OR4K1: variants seen among roughly 807,000 people sequenced by gnomAD.
OR4K1 encodes olfactory receptor 4K1.
A neutral mutation model predicts 14.4 loss-of-function variants in OR4K1; 16 were observed. That is an observed-to-expected ratio of 1.11 (90% confidence interval 0.75 to 1.68). The LOEUF (loss-of-function observed/expected upper bound fraction) is 1.68. Ranked by LOEUF, OR4K1 falls within the 40% of genes most tolerant of loss-of-function variation. The probability of loss-of-function intolerance (pLI) is 0.00; values close to 1 mark genes in which losing one functional copy is unlikely to be tolerated. For synonymous variants in OR4K1, 181 were observed against 133.1 expected, an observed-to-expected ratio of 1.36 and a Z score of -2.48; for missense variants, 548 against 376.9, an observed-to-expected ratio of 1.45 and a Z score of -3.76.
chr14:19,924,377 GCAA>G, the OR4K1 span, among the ~76,000 whole-genome samples: 1 of 101,332 alleles, frequency 9.9e-6, no homozygotes, highest in African/African-American at 4.1e-5. Context: ...TCCAGCCTGG[GCAA>G]CAAGAGCAAA....
the OR4K1 span, among the ~76,000 whole-genome samples, chr14:19,924,400 C>CAAAAAAAAAAAAAAAA: frequency 3.0e-3 from 234 of 79,266 alleles, 1 homozygote; most frequent in Middle Eastern, 6.4e-3. Flanking sequence ...AACTCCGTAT[C>CAAAAAAAAAAAAAAAA]AAAAAAAAAA....
chr14:19,922,484 G>T, the OR4K1 span, among the ~76,000 whole-genome samples: 3 of 152,250 alleles, frequency 2.0e-5, no homozygotes, highest in South Asian at 2.1e-4. Context: ...CATCTAGGGG[G>T]CCTCACTCAT....
upstream of OR4K1, among the ~76,000 whole-genome samples, chr14:19,929,558 T>G (rs1301698683): frequency 2.0e-5 from 3 of 152,264 alleles, no homozygotes; most frequent in East Asian, 5.8e-4. Context: ...TATCTCCTAG[T>G]AATCTTTGTA....
upstream of OR4K1, among the ~76,000 whole-genome samples, chr14:19,928,829 T>A (rs563829479): frequency 6.6e-6 from 1 of 152,180 alleles, no homozygotes; most frequent in Non-Finnish European, 1.5e-5. Flanking sequence ...CTGCTCATTT[T>A]TCTACTTATT....
At position 19,935,899 on chromosome 14, in the gene OR4K1, C is replaced by T. The variant is rs777615482; in HGVS notation, c.233C>T (p.Thr78Ile). The stretch of plus-strand genomic sequence containing the variant: ...GATATCTGTCAGTCTAACTTTGCCA[C>T]CCCCAAGATGCTTGTAGACTTTTTT... Reference protein sequence around the residue: ...FIDICQSNFATPKMLVDFFIE... With the variant: ...FIDICQSNFAIPKMLVDFFIE... Residue 78 changes from threonine to isoleucine, a missense_variant, in exon 2 of 2, where the codon ACC becomes ATC. By Grantham distance (89) the Thr-to-Ile change is moderately conservative. Coordinates refer to ENST00000641172, the MANE Select transcript of OR4K1 (RefSeq NM_001004063.3). The T allele has an allele frequency of 4.3e-6, 7 of 1,614,126 alleles. No homozygotes were observed. Among genetic ancestry groups the T allele is most frequent in the Middle Eastern group, 1.6e-4 (1 of 6,084 alleles).
At chr14:19,924,520 T>C in the OR4K1 span, among the ~76,000 whole-genome samples, 1 of 152,240 alleles carries the variant, frequency 6.6e-6, no homozygotes, top group Non-Finnish European at 1.5e-5. Context: ...TGTGAGATGG[T>C]ATTTCATTGT....
chr14:19,926,677 G>A (rs778014369), upstream of OR4K1, among the ~76,000 whole-genome samples: 58 of 152,188 alleles, frequency 3.8e-4, no homozygotes, highest in Non-Finnish European at 6.9e-4. Context: ...ATCAATTTTA[G>A]GTTGATTCAT....
chr14:19,921,662 A>G, the OR4K1 span: 2 of 1,351,172 alleles, frequency 1.5e-6, no homozygotes, highest in Non-Finnish European at 2.0e-6. Context: ...TTGTGGGGAA[A>G]GTAGTGAAGA....
At position 19,935,687 on chromosome 14, in the gene OR4K1, G is replaced by C. The variant is rs752575639; in HGVS notation, c.21G>C (p.Ser7=). MAHTNE[S]MVSEFVLLGL... ...GATACATGGCTCACACAAATGAATC[G>C]ATGGTGTCTGAGTTTGTACTTTTGG... The change falls in exon 2 of 2, where the codon TCG becomes TCC. Residue 7 remains serine, a synonymous_variant. Transcript: ENST00000641172. 24 of 1,601,748 alleles carry C rather than the reference G, an allele frequency of 1.5e-5. No individual in the cohort carries two copies. The highest frequency in any genetic ancestry group is 2.0e-5 in the Non-Finnish European group (23 of 1,175,832).
Position 19,936,232 on chromosome 14 carries a change from G to T in OR4K1, c.566G>T (p.Cys189Phe), listed in dbSNP as rs769343904. The part of the protein sequence containing the change: ...CDLPLVIELA[C>F]MDTYEMEIMT... ...CTTCCCTTGGTGATAGAGCTGGCTT[G>T]CATGGATACATATGAAATGGAAATT... The change falls in exon 2 of 2, where the codon TGC becomes TTC. Residue 189 changes from cysteine to phenylalanine, a missense_variant. Cys to Phe is a radical substitution (Grantham distance 205, BLOSUM62 -2). Coordinates refer to ENST00000641172, the MANE Select transcript of OR4K1 (RefSeq NM_001004063.3). 6.2e-7 allele frequency: 1 copy of T among 1,614,126 alleles called. No homozygotes were observed. The highest frequency in any genetic ancestry group is 8.5e-7 in the Non-Finnish European group (1 of 1,180,048).
chr14:19,935,525 T>TC, intron 1 of OR4K1, 123 bp from the exon 2 acceptor site: 1 of 773,172 alleles, frequency 1.3e-6, no homozygotes, highest in Non-Finnish European at 2.0e-6. Context: ...CATACGTAAA[T>TC]ATATGTAACC....
intron 1 of OR4K1, among the ~76,000 whole-genome samples, chr14:19,931,684 C>A (rs944504326): frequency 6.6e-6 from 1 of 152,220 alleles, no homozygotes; most frequent in Non-Finnish European, 1.5e-5. Flanking sequence ...ATTAATGCAA[C>A]AGCAACCCTT....
chr14:19,930,173 C>T (rs143290526), upstream of OR4K1, among the ~76,000 whole-genome samples: 15 of 152,280 alleles, frequency 9.9e-5, no homozygotes, highest in Non-Finnish European at 1.5e-4. Context: ...ATCTCTCCTT[C>T]AGCCAGTGCT....
At chr14:19,920,598 C>T in the OR4K1 span, 1 of 1,592,818 alleles carries the variant, frequency 6.3e-7, no homozygotes, top group East Asian at 2.2e-5. Context: ...AAGTTTGCAG[C>T]TTGGAACCAT....
At chr14:19,927,329 C>T (rs1460497113), upstream of OR4K1, among the ~76,000 whole-genome samples, 1 of 152,204 alleles carries the variant, frequency 6.6e-6, no homozygotes, top group Non-Finnish European at 1.5e-5. Flanking sequence ...TCTCATTGGC[C>T]AGAGCCATAA....
chr14:19,922,289 C>G, the OR4K1 span, among the ~76,000 whole-genome samples: 1 of 152,234 alleles, frequency 6.6e-6, no homozygotes, highest in Non-Finnish European at 1.5e-5. Context: ...CCAAGATTTT[C>G]GTTTGTGCCA....
At chr14:19,926,886 AGCCAACT>A (rs1882073664), upstream of OR4K1, among the ~76,000 whole-genome samples, 1 of 152,258 alleles carries the variant, frequency 6.6e-6, no homozygotes, top group Admixed American at 6.5e-5. Context: ...GCTCTGCAGA[AGCCAACT>A]GCTTACTATT....
At chr14:19,924,257 G>A in the OR4K1 span, among the ~76,000 whole-genome samples, 4 of 152,084 alleles carry the variant, frequency 2.6e-5, no homozygotes, top group East Asian at 3.9e-4. Flanking sequence ...AAAATTAGCC[G>A]GGCATGGTGG....
Position 19,936,611 on chromosome 14 carries a change from A to G in OR4K1, c.*9A>G, listed in dbSNP as rs756925650. 1.1e-5 allele frequency: 18 copies of G among 1,580,674 alleles called. No homozygotes were observed. The highest frequency in any genetic ancestry group is 1.5e-5 in the Non-Finnish European group (17 of 1,164,322). On this transcript the variant is annotated 3_prime_UTR_variant, in exon 2 of 2. Coordinates refer to ENST00000641172, the MANE Select transcript of OR4K1 (RefSeq NM_001004063.3). Reference sequence around the variant, plus strand: ...ACTCCTGGAAAAACTAGGGATCATTACGAAGGAGCATAATCCTGAATTAGA... The same window carrying G: ...ACTCCTGGAAAAACTAGGGATCATTGCGAAGGAGCATAATCCTGAATTAGA...
Sources: gnomAD v4.1 joint callset for allele counts (sites outside exome capture counted in the v4.1 genomes callset) on GRCh38, gnomAD v4.1.1 for gene constraint, MANE v1.5 for transcripts, NCBI Gene and HGNC (gene_info 2026-07-23, HGNC 2026-07-21) for gene names.